Variants in RHD observed in about 807,000 individuals in gnomAD.
The protein encoded by RHD is Rh blood group D antigen.
A neutral mutation model predicts 45.5 loss-of-function variants in RHD; 16 were observed. The observed-to-expected ratio is 0.35, with a 90% CI of 0.24 to 0.53. The LOEUF (loss-of-function observed/expected upper bound fraction) is 0.53. RHD is among the 20% of genes least tolerant of loss of function. The pLI, the probability that RHD is intolerant of heterozygous loss-of-function variation, is 0.92. For synonymous variants in RHD, 131 were observed against 217.5 expected, an observed-to-expected ratio of 0.60 and a Z score of 3.50; for missense variants, 306 against 532.0, an observed-to-expected ratio of 0.58 and a Z score of 4.18.
intron 2 of RHD, among the ~76,000 whole-genome samples, chr1:25,286,001 T>C (rs1176205212): frequency 6.7e-5 from 9 of 134,750 alleles, no homozygotes; most frequent in East Asian, 1.9e-4. Context: ...TCTAACCTGG[T>C]ATACAGGTAA....
chr1:25,315,080 T>A lies in RHD; in HGVS notation c.1074-1920T>A, dbSNP rs1386767648. Among the ~76,000 whole-genome samples the A allele has an allele frequency of 1.6e-5, 2 of 128,510 alleles. 1 individual carries two copies. The highest frequency in any genetic ancestry group is 5.3e-5 in the African/African-American group (2 of 37,698). The allele number at this position is 128,510 out of a possible 152,430, so 84.3% of individuals were successfully genotyped here. A position where few individuals can be genotyped will look rare whatever the true frequency, so the allele number is the denominator to read the frequency against. ...TTAGCTGGGCGTTGTGGCTCTTGCC[T>A]GTAGTCTCAGCTACTCGGGAGGCTG... On this transcript the variant is annotated intron_variant, in intron 7 of 9. Coordinates refer to ENST00000328664, the MANE Select transcript of RHD (RefSeq NM_016124.6).
chr1:25,288,019 A>G (rs1571617958), intron 2 of RHD, among the ~76,000 whole-genome samples: 4 of 131,744 alleles, frequency 3.0e-5, no homozygotes, highest in South Asian at 4.6e-4. Context: ...CACTGTGTCC[A>G]GCCTAAAACT....
At chr1:25,291,163 G>A (rs1404678192) in intron 3 of RHD, among the ~76,000 whole-genome samples, 1 of 122,166 alleles carries the variant, frequency 8.2e-6, no homozygotes, top group Non-Finnish European at 1.8e-5. Flanking sequence ...TAGATAGATA[G>A]ACAGACAGAC....
chr1:25,282,556 T>C lies in RHD; in HGVS notation c.149-2017T>C, dbSNP rs1217751908. ...GGCAATTTAGTGAGGTTTAATCTAATAGGAAATGATAGAGCTGGGATCGAA... is the reference window on the plus strand; with the variant it reads ...GGCAATTTAGTGAGGTTTAATCTAACAGGAAATGATAGAGCTGGGATCGAA... On this transcript the variant is annotated intron_variant, in intron 1 of 9. Transcript: ENST00000328664. Among the ~76,000 whole-genome samples the C allele has an allele frequency of 5.3e-5, 7 of 132,068 alleles. No individual in the cohort carries two copies. In the East Asian group the frequency reaches 1.2e-3, roughly 22 times the overall value. 86.6% of individuals were successfully genotyped at this position (132,068 alleles called of 152,430 possible).
In RHD at chr1:25,274,257, G is replaced by A. The variant is rs773129150; in HGVS notation, c.148+1562G>A. On this transcript the variant is annotated intron_variant, in intron 1 of 9. Coordinates refer to ENST00000328664, the MANE Select transcript of RHD (RefSeq NM_016124.6). The stretch of plus-strand genomic sequence containing the variant: ...TATGGATGTTGAGTAATTTGCCCAC[G>A]GTCGCTCAGCTAGCAATAGCACAGC... Among the ~76,000 whole-genome samples, 6 of 131,908 alleles carry A rather than the reference G, an allele frequency of 4.5e-5. 1 individual carries two copies. Among genetic ancestry groups the A allele is most frequent in the East Asian group, 3.9e-4 (2 of 5,120 alleles). 86.5% of individuals were successfully genotyped at this position (131,908 alleles called of 152,430 possible).
rs1641948011 is a variant in RHD at position 25,285,927 on chromosome 1, A to G, written c.335+1168A>G. ...GGGCACTGCTGTTAAACATTTCTCT[A>G]TGAGCCAGGAACTGTGCTGAGCACT... On this transcript the variant is annotated intron_variant, in intron 2 of 9. Transcript: ENST00000328664. Among the ~76,000 whole-genome samples the G allele has an allele frequency of 3.0e-5, 4 of 134,422 alleles. 1 individual carries two copies. The highest frequency in any genetic ancestry group is 2.2e-4 in the South Asian group (1 of 4,540). 88.2% of individuals were successfully genotyped at this position (134,422 alleles called of 152,430 possible).
Position 25,301,061 on chromosome 1 carries a change from C to G in RHD, c.602C>G (p.Thr201Arg), listed in dbSNP as rs1053355. 3.5e-3 allele frequency: 4,757 copies of G among 1,376,594 alleles called. 899 individuals carry two copies. The African/African-American group carries it at 0.051, about 15-fold the overall frequency. 85.3% of individuals were successfully genotyped at this position (1,376,594 alleles called of 1,614,324 possible). ...LPEGTEDKDQ[T>R]ATIPSLSAML... ...GAGGGAACGGAGGATAAAGATCAGA[C>G]AGCAACGATACCCAGTTTGTCTGCC... is the stretch of plus-strand genomic sequence containing the variant. Residue 201 changes from threonine (T) to arginine (R), a missense_variant, in exon 4 of 10, where the codon ACA becomes AGA. Thr to Arg is a moderately conservative substitution (Grantham distance 71). Transcript: ENST00000328664.
rs1388374785 is a variant in RHD at position 25,284,715 on chromosome 1, C to T, written c.291C>T (p.Phe97=). 2.9e-6 allele frequency: 4 copies of T among 1,388,856 alleles called. 1 individual carries two copies. The highest frequency in any genetic ancestry group is 4.1e-6 in the Non-Finnish European group (4 of 985,582). 86.0% of individuals were successfully genotyped at this position (1,388,856 alleles called of 1,614,324 possible). ...AGTGGGCAATCCTGCTGGACGGCTTCCTGAGCCAGTTCCCTTCTGGGAAGG... is the reference window on the plus strand; with the variant it reads ...AGTGGGCAATCCTGCTGGACGGCTTTCTGAGCCAGTTCCCTTCTGGGAAGG... ...GVQWAILLDG[F]LSQFPSGKVV... Residue 97 remains phenylalanine, a synonymous_variant, in exon 2 of 10, where the codon TTC becomes TTT. Transcript: ENST00000328664.
chr1:25,319,666 C>CA (rs1644591796), intron 8 of RHD, among the ~76,000 whole-genome samples: 1 of 131,958 alleles, frequency 7.6e-6, no homozygotes, highest in South Asian at 2.3e-4. Flanking sequence ...CTCAAGCAGC[C>CA]AAAATTGCAC....
At chr1:25,290,375 A>G (rs1160948426) in intron 2 of RHD, among the ~76,000 whole-genome samples, 2 of 108,210 alleles carry the variant, frequency 1.8e-5, no homozygotes, top group Admixed American at 8.9e-5. Flanking sequence ...TGCCTCATAG[A>G]TGAAGGCACT....
At chr1:25,289,170 A>C (rs1352632463) in intron 2 of RHD, among the ~76,000 whole-genome samples, 3 of 132,024 alleles carry the variant, frequency 2.3e-5, no homozygotes, top group African/African-American at 7.8e-5. Flanking sequence ...CTGAATGGTG[A>C]GCTAGCACGA....
chr1:25,292,963 G>A lies in RHD; in HGVS notation c.486+2172G>A, dbSNP rs1163319099. On this transcript the variant is annotated intron_variant, in intron 3 of 9. Transcript: ENST00000328664. ...GAAGCCCAGGAGAGCGTGAGGTCCTGGAAGGCAAGGAAAGAGAGGGCCCCA... is the reference window on the plus strand; with the variant it reads ...GAAGCCCAGGAGAGCGTGAGGTCCTAGAAGGCAAGGAAAGAGAGGGCCCCA... Among the ~76,000 whole-genome samples, 9 of 124,532 alleles carry A rather than the reference G, an allele frequency of 7.2e-5. 1 individual carries two copies. Among genetic ancestry groups the A allele is most frequent in the Admixed American group, 4.0e-4 (5 of 12,580 alleles). 81.7% of individuals were successfully genotyped at this position (124,532 alleles called of 152,430 possible).
Position 25,302,697 on chromosome 1 carries a change from C to T in RHD, c.802-625C>T, listed in dbSNP as rs1466418929. On this transcript the variant is annotated intron_variant, in intron 5 of 9. Transcript: ENST00000328664. ...CAGTCACACAGGGTGGCACAGGCAC[C>T]AAGTAGCCAATAATAATAATAAAAA... 3.8e-4 allele frequency among the ~76,000 whole-genome samples: 49 copies of T among 130,222 alleles called. 12 individuals are homozygous for T. The highest frequency in any genetic ancestry group is 1.2e-3 in the African/African-American group (46 of 37,702). The allele number at this position is 130,222 out of a possible 152,430, so 85.4% of individuals were successfully genotyped here. A position where few individuals can be genotyped will look rare whatever the true frequency, so the allele number is the denominator to read the frequency against.
At chr1:25,279,256 G>T (rs999181395) in intron 1 of RHD, among the ~76,000 whole-genome samples, 2 of 128,262 alleles carry the variant, frequency 1.6e-5, no homozygotes, top group African/African-American at 5.4e-5. Context: ...CACTCACTAC[G>T]TACCCAATGC....
In RHD at chr1:25,329,085, C is replaced by A. The variant is rs751993650; in HGVS notation, c.*161C>A. 38 of 1,298,140 alleles carry A rather than the reference C, an allele frequency of 2.9e-5. 6 individuals carry two copies. The South Asian group carries it at 4.4e-4, about 15-fold the overall frequency. The allele number at this position is 1,298,140 out of a possible 1,614,324, so 80.4% of individuals were successfully genotyped here. A position where few individuals can be genotyped will look rare whatever the true frequency, so the allele number is the denominator to read the frequency against. On this transcript the variant is annotated 3_prime_UTR_variant, in exon 10 of 10. Coordinates refer to ENST00000328664, the MANE Select transcript of RHD (RefSeq NM_016124.6). ...ATGGAGTTGAATCCTTTCTCTGCCACTCTTTGAGGAGAATCTCACCATTTA... is the reference window on the plus strand; with the variant it reads ...ATGGAGTTGAATCCTTTCTCTGCCAATCTTTGAGGAGAATCTCACCATTTA...
chr1:25,275,234 G>A (rs575079229), intron 1 of RHD, among the ~76,000 whole-genome samples: 2 of 132,370 alleles, frequency 1.5e-5, no homozygotes, highest in East Asian at 3.9e-4. Flanking sequence ...AGGTTGCTGA[G>A]CTGAGAACAT....
chr1:25,284,538 C>A (rs1274746677), intron 1 of RHD, 35 bp from the exon 2 acceptor site: 1 of 1,380,942 alleles, frequency 7.2e-7, no homozygotes, highest in African/African-American at 1.4e-5. Flanking sequence ...CGTCTGCTTC[C>A]CCCTCGTCCT....
At position 25,274,351 on chromosome 1, in the gene RHD, T is replaced by C. The variant is rs550471237; in HGVS notation, c.148+1656T>C. 5.3e-4 allele frequency among the ~76,000 whole-genome samples: 71 copies of C among 132,864 alleles called. 13 individuals carry two copies. Among genetic ancestry groups the C allele is most frequent in the African/African-American group, 1.7e-3 (65 of 39,080 alleles). The allele number at this position is 132,864 out of a possible 152,430, so 87.2% of individuals were successfully genotyped here. A position where few individuals can be genotyped will look rare whatever the true frequency, so the allele number is the denominator to read the frequency against. On this transcript the variant is annotated intron_variant, in intron 1 of 9. Transcript: ENST00000328664. Reference sequence around the variant, plus strand: ...ACCATTATGCATCATGGCCCCATTTTACAGTGGGCTTGAGTCTTTGTCATA... The same window carrying C: ...ACCATTATGCATCATGGCCCCATTTCACAGTGGGCTTGAGTCTTTGTCATA...
In RHD at chr1:25,285,698, T is replaced by C. The variant is rs1183541160; in HGVS notation, c.335+939T>C. On this transcript the variant is annotated intron_variant, in intron 2 of 9. Coordinates refer to ENST00000328664, the MANE Select transcript of RHD (RefSeq NM_016124.6). ...TCTCTATGTTCACCTGGGTGATGAT[T>C]ACACATCAAGCTATACACGTTTTAA... Among the ~76,000 whole-genome samples, 7 of 135,336 alleles carry C rather than the reference T, an allele frequency of 5.2e-5. 1 individual carries two copies. Among genetic ancestry groups the C allele is most frequent in the African/African-American group, 1.5e-4 (6 of 39,182 alleles). The allele number at this position is 135,336 out of a possible 152,430, so 88.8% of individuals were successfully genotyped here.
Sources: gnomAD v4.1 joint callset for allele counts (sites outside exome capture counted in the v4.1 genomes callset) on GRCh38, gnomAD v4.1.1 for gene constraint, MANE v1.5 for transcripts, NCBI Gene and HGNC (gene_info 2026-07-23, HGNC 2026-07-21) for gene names.